Variants in PTK7 observed in about 807,000 individuals in gnomAD.
PTK7 encodes inactive tyrosine-protein kinase 7.
In PTK7, 39 loss-of-function variants were observed where a neutral mutation model predicts 116.6. The ratio of observed to expected loss-of-function variants is 0.33; its 90% CI spans 0.26 to 0.44. The LOEUF (loss-of-function observed/expected upper bound fraction) is 0.44. Among genes scored for constraint, PTK7 ranks in the 20% least tolerant of loss-of-function variants. PTK7 has a pLI of 1.00. For missense variants in PTK7, 1,169 were observed against 1,425.6 expected (o/e 0.82, Z 2.90); for synonymous variants, 546 against 563.6 (o/e 0.97, Z 0.44).
Position 43,144,599 on chromosome 6 carries a change from C to T in PTK7, c.2400C>T (p.Thr800=), listed in dbSNP as rs772007907. The T allele has an allele frequency of 1.2e-5, 19 of 1,610,416 alleles. No individual in the cohort carries two copies. Among genetic ancestry groups the T allele is most frequent in the Non-Finnish European group, 1.6e-5 (19 of 1,177,576 alleles). ...HFPRSSLQPI[T]TLGKSEFGEV... ...CACGGTCTAGCCTGCAGCCCATCAC[C>T]ACGCTGGGTATGTTGCCTTGACTAC... The change falls in exon 15 of 20, where the codon ACC becomes ACT. Residue 800 remains threonine, a synonymous_variant. Transcript: ENST00000230419.
chr6:43,125,921 A>G (rs1769262286), intron 1 of PTK7, among the ~76,000 whole-genome samples: 2 of 152,196 alleles, frequency 1.3e-5, no homozygotes, highest in South Asian at 4.2e-4. Context: ...GCTCCCCACC[A>G]TGTCTGCAGA....
chr6:43,128,150 T>C (rs1490575442), intron 1 of PTK7, among the ~76,000 whole-genome samples: 1 of 152,230 alleles, frequency 6.6e-6, no homozygotes, highest in Non-Finnish European at 1.5e-5. Context: ...AAGCCATCTT[T>C]CCAGGGTGCT....
chr6:43,146,767 AT>A, intron 17 of PTK7, 69 bp downstream of exon 17: 1 of 1,379,946 alleles, frequency 7.2e-7, no homozygotes. Context: ...CAGAGGCACC[AT>A]TTATTGAGGG....
At chr6:43,081,680 C>T (rs980294823) in intron 1 of PTK7, among the ~76,000 whole-genome samples, 1 of 152,206 alleles carries the variant, frequency 6.6e-6, no homozygotes, top group African/African-American at 2.4e-5. Flanking sequence ...GCTGGGATTA[C>T]AGGCGTGAGC....
At chr6:43,146,786 TG>T (rs1485387065) in intron 17 of PTK7, 88 bp downstream of exon 17, 1 of 1,155,654 alleles carries the variant, frequency 8.7e-7, no homozygotes, top group East Asian at 2.3e-5. Flanking sequence ...GGGCTCTCTA[TG>T]GGCCAGGCCC....
chr6:43,157,362 A>ATTTTTTTTTT (rs1561990570), intron 17 of PTK7, among the ~76,000 whole-genome samples: 1 of 34,254 alleles, frequency 2.9e-5, no homozygotes, highest in Non-Finnish European at 4.8e-5. Flanking sequence ...ATATATATAT[A>ATTTTTTTTTT]TATTTTTTTT....
At chr6:43,093,183 C>CTTT (rs72414606) in intron 1 of PTK7, among the ~76,000 whole-genome samples, 1,113 of 84,708 alleles carry the variant, frequency 0.013, 46 homozygotes, top group African/African-American at 0.034. Context: ...ATAGGATCTC[C>CTTT]TTTTTTTTTT....
In PTK7 at chr6:43,129,702, A is replaced by C; in HGVS notation, c.368-25A>C. The stretch of plus-strand genomic sequence containing the variant: ...CCGCCTTTGCCCTGCTCTGCCCCTC[A>C]CTGCAACCGTGGCCTCTGCTACAGG... On this transcript the variant is annotated intron_variant, in intron 2 of 19. Transcript: ENST00000230419. The surrounding 1 kb of genome is among the most constrained non-coding windows in gnomAD (Gnocchi z 4.5). The C allele has an allele frequency of 6.2e-7, 1 of 1,607,448 alleles. No individual in the cohort carries two copies.
intron 7 of PTK7, among the ~76,000 whole-genome samples, chr6:43,137,201 T>G (rs533529992): frequency 7.7e-4 from 118 of 152,316 alleles, no homozygotes; most frequent in African/African-American, 2.5e-3. Flanking sequence ...GTTTTGAGAC[T>G]AGAATGTTAG....
At chr6:43,138,594 C>T (rs1401313727) in intron 7 of PTK7, 4 of 351,914 alleles carry the variant, frequency 1.1e-5, no homozygotes, top group East Asian at 4.7e-5. Context: ...CCTATGAGTT[C>T]GAGACTGTAG....
chr6:43,144,445 T>TCCCA lies in PTK7; in HGVS notation c.2252-5_2252-2dup. On this transcript the variant is annotated splice_region_variant and splice_polypyrimidine_tract_variant and intron_variant, in intron 14 of 19. Transcript: ENST00000230419. ...ATCGTGACGCTCTTGTCCTCCTCCT[T>TCCCA]CCCAGGTGGGCCTTTGCAGAACGGG... 1 of 1,614,088 alleles carries TCCCA rather than the reference T, an allele frequency of 6.2e-7. No individual in the cohort carries two copies. The highest frequency in any genetic ancestry group is 8.5e-7 in the Non-Finnish European group (1 of 1,180,006).
chr6:43,158,993 G>A (rs1375505394), intron 18 of PTK7, 25 bp downstream of exon 18: 1 of 1,611,080 alleles, frequency 6.2e-7, no homozygotes, highest in African/African-American at 1.3e-5. Flanking sequence ...GTGGGGTGGG[G>A]GCTCCCCATT....
rs765317932 is a variant in PTK7, at chr6:43,160,846, G to A, written c.3178G>A (p.Ala1060Thr). 1.1e-5 allele frequency: 17 copies of A among 1,614,058 alleles called. 1 individual carries two copies. The highest frequency in any genetic ancestry group is 8.9e-5 in the East Asian group (4 of 44,870). ...GCCCTCCTTCAGTGAGATTGCCAGC[G>A]CCCTGGGAGACAGCACCGTGGACAG... ...DRPSFSEIAS[A>T]LGDSTVDSKP Residue 1060 changes from alanine (A) to threonine (T), a missense_variant, in exon 20 of 20, where the codon GCC (alanine) becomes ACC (threonine). This residue lies in a region of PTK7 where 678 missense variants were observed against 853.8 expected (regional missense o/e 0.79). Coordinates refer to ENST00000230419, the MANE Select transcript of PTK7 (RefSeq NM_002821.5).
At position 43,132,022 on chromosome 6, in the gene PTK7, A is replaced by G. The variant is rs765804266; in HGVS notation, c.819A>G (p.Pro273=). 3.7e-6 allele frequency: 6 copies of G among 1,613,784 alleles called. No homozygotes were observed. In the Admixed American group the frequency reaches 5.0e-5, roughly 13 times the overall value. Residue 273 remains proline, a synonymous_variant, in exon 6 of 20, where the codon CCA becomes CCG. Transcript: ENST00000230419. ...TGCACTCTCCCCTCTGCAGCCCCCC[A>G]CACCTCCGCAGAGCCACAGTGTTTG... ...ETPITNRSRP[P]HLRRATVFAN... is the part of the protein sequence containing the mutation.
chr6:43,132,794 G>T, intron 7 of PTK7, 107 bp downstream of exon 7: 1 of 1,468,802 alleles, frequency 6.8e-7, no homozygotes, highest in Non-Finnish European at 9.3e-7. Context: ...CTCAGTTCTG[G>T]GCCCTGCAGG....
In PTK7 at chr6:43,145,285, C is replaced by G. The variant is rs766826827; in HGVS notation, c.2493C>G (p.Ser831Arg). The part of the protein sequence containing the change: ...GVAETLVLVK[S>R]LQSKDEQQQL... Reference sequence around the variant, plus strand: ...CAGAGACCCTGGTACTTGTGAAGAGCCTGCAGAGCAAGGATGAGCAGCAGC... The same window carrying G: ...CAGAGACCCTGGTACTTGTGAAGAGGCTGCAGAGCAAGGATGAGCAGCAGC... The change falls in exon 16 of 20, where the codon AGC becomes AGG. Residue 831 changes from serine to arginine, a missense_variant. By Grantham distance (110) the Ser-to-Arg change is moderately radical. Around this residue, in one of 3 missense-constraint regions of PTK7, gnomAD observed 678 missense variants for 853.8 expected, o/e 0.79. Transcript: ENST00000230419. This position sits in a 1 kb window ranked among gnomAD's most constrained non-coding sequence, Gnocchi z 4.8. 1 of 1,613,998 alleles carries G rather than the reference C, an allele frequency of 6.2e-7. No homozygotes were observed. Among genetic ancestry groups the G allele is most frequent in the Admixed American group, 1.7e-5 (1 of 59,994 alleles).
chr6:43,144,730 T>C, intron 15 of PTK7, 124 bp downstream of exon 15: 1 of 1,244,748 alleles, frequency 8.0e-7, no homozygotes. Flanking sequence ...GAGGGAAGCA[T>C]AGGTAGAGAT....
rs577105142 is a variant in PTK7, at chr6:43,156,083, G to C, written c.2722-2734G>C. 4.6e-5 allele frequency among the ~76,000 whole-genome samples: 7 copies of C among 151,910 alleles called. No individual in the cohort carries two copies. In the South Asian group the frequency reaches 1.2e-3, roughly 27 times the overall value. ...ATCTCTACTAAAAATACAAAAATTA[G>C]CTGGGTGTCATGGTGGGCACCTGTA... On this transcript the variant is annotated intron_variant, in intron 17 of 19. Coordinates refer to ENST00000230419, the MANE Select transcript of PTK7 (RefSeq NM_002821.5).
Position 43,160,977 on chromosome 6 carries a change from G to C in PTK7, c.*96G>C. ...CAAGATCCCTGTCCTCCTGGGCCCT[G>C]AGGCCCCTGCCCTAGTGCAACAGGC... On this transcript the variant is annotated 3_prime_UTR_variant, in exon 20 of 20. Coordinates refer to ENST00000230419, the MANE Select transcript of PTK7 (RefSeq NM_002821.5). The C allele has an allele frequency of 4.8e-6, 7 of 1,464,244 alleles. No individual in the cohort carries two copies. Among genetic ancestry groups the C allele is most frequent in the Non-Finnish European group, 6.4e-6 (7 of 1,093,940 alleles). 90.7% of individuals were successfully genotyped at this position (1,464,244 alleles called of 1,614,324 possible).
Sources: allele counts gnomAD v4.1 joint callset (sites outside exome capture counted in the v4.1 genomes callset), GRCh38; gene constraint gnomAD v4.1.1; regional missense constraint gnomAD v4.1.1; non-coding constraint Gnocchi (gnomAD v3.1); transcripts MANE v1.5; gene names NCBI Gene and HGNC (gene_info 2026-07-23, HGNC 2026-07-21).